Variants in TP63 observed in about 807,000 individuals in gnomAD.
The protein encoded by TP63 is tumor protein 63.
TP63 carries 17 observed loss-of-function variants against 82.8 expected under a neutral mutation model. The ratio of observed to expected loss-of-function variants is 0.21; its 90% CI spans 0.14 to 0.31. The LOEUF (loss-of-function observed/expected upper bound fraction) is 0.31. Among genes scored for constraint, TP63 ranks in the 10% least tolerant of loss-of-function variants. TP63 has a pLI of 1.00. For synonymous variants in TP63, 330 were observed against 321.7 expected (o/e 1.03, Z -0.28); for missense variants, 648 against 895.3 (o/e 0.72, Z 3.52).
intron 4 of TP63, among the ~76,000 whole-genome samples, chr3:189,836,694 C>T (rs572134884): frequency 1.2e-4 from 19 of 152,250 alleles, no homozygotes; most frequent in African/African-American, 4.6e-4. Context: ...TGCTCCTAGA[C>T]ATTTTCTTTT....
At chr3:189,699,769 A>T (rs552052480) in intron 1 of TP63, among the ~76,000 whole-genome samples, 5 of 152,364 alleles carry the variant, frequency 3.3e-5, no homozygotes, top group Non-Finnish European at 7.3e-5. Flanking sequence ...TTCTGTTATT[A>T]TAGATAATTT....
intron 1 of TP63, among the ~76,000 whole-genome samples, chr3:189,657,102 G>C (rs1294490780): frequency 6.6e-6 from 1 of 151,772 alleles, no homozygotes; most frequent in African/African-American, 2.4e-5. Flanking sequence ...CATACTGTAT[G>C]ATTGTGATTT....
intron 1 of TP63, among the ~76,000 whole-genome samples, chr3:189,734,262 C>G (rs1335958821): frequency 2.7e-5 from 4 of 149,320 alleles, no homozygotes; most frequent in African/African-American, 4.9e-5. Flanking sequence ...ACCTCTGCCT[C>G]TTGGGTTCAA....
rs1361527608 is a variant in TP63 at position 189,872,928 on chromosome 3, C to T, written c.1282C>T (p.Pro428Ser). ...GTCCCTGGAACTCATGCAGTACCTTCCTCAGCACACAATTGAAACGTACAG... is the reference window on the plus strand; with the variant it reads ...GTCCCTGGAACTCATGCAGTACCTTTCTCAGCACACAATTGAAACGTACAG... ...KESLELMQYL[P>S]QHTIETYRQQ... The change falls in exon 10 of 14, where the codon CCT (proline) becomes TCT (serine). Residue 428 changes from proline to serine, a missense_variant. Pro to Ser is a moderately conservative substitution (Grantham distance 74). This residue lies in a region of TP63 where 342 missense variants were observed against 425.7 expected (regional missense o/e 0.80). Coordinates refer to ENST00000264731, the MANE Select transcript of TP63 (RefSeq NM_003722.5). 2 of 1,614,146 alleles carry T rather than the reference C, an allele frequency of 1.2e-6. No individual in the cohort carries two copies. The highest frequency in any genetic ancestry group is 3.3e-5 in the Admixed American group (2 of 60,024).
the TP63 span, among the ~76,000 whole-genome samples, chr3:189,621,987 G>T: frequency 6.6e-6 from 1 of 152,340 alleles, no homozygotes; most frequent in East Asian, 1.9e-4. Flanking sequence ...CAGAGATGTT[G>T]CTGTAAACAA....
intron 1 of TP63, among the ~76,000 whole-genome samples, chr3:189,726,898 G>A (rs1390567324): frequency 6.6e-6 from 1 of 152,124 alleles, no homozygotes; most frequent in African/African-American, 2.4e-5. Context: ...TCTACACAGG[G>A]CCAGAAAATA....
At chr3:189,754,435 G>T (rs2108527053) in intron 3 of TP63, among the ~76,000 whole-genome samples, 1 of 152,126 alleles carries the variant, frequency 6.6e-6, no homozygotes, top group South Asian at 2.1e-4. Context: ...GATAAATTTT[G>T]ATCTTTAAAT....
chr3:189,700,017 C>G (rs1717683223), intron 1 of TP63, among the ~76,000 whole-genome samples: 1 of 152,156 alleles, frequency 6.6e-6, no homozygotes, highest in Non-Finnish European at 1.5e-5. Context: ...GAACACTGGT[C>G]TGACTGCAGT....
chr3:189,616,593 C>T, the TP63 span, among the ~76,000 whole-genome samples: 3 of 152,274 alleles, frequency 2.0e-5, no homozygotes, highest in African/African-American at 2.4e-5. Flanking sequence ...TAGGGATATT[C>T]GGGTTACTGC....
chr3:189,879,962 TATGATC>T (rs1719721397), intron 10 of TP63: 3 of 1,471,032 alleles, frequency 2.0e-6, no homozygotes, highest in Non-Finnish European at 2.7e-6. Flanking sequence ...CTGTCTATAC[TATGATC>T]ATGAAGGTAT....
chr3:189,867,289 C>T (rs79472829), intron 6 of TP63, among the ~76,000 whole-genome samples: 54 of 152,266 alleles, frequency 3.5e-4, no homozygotes, highest in African/African-American at 1.3e-3. Context: ...GGTTTGCTGG[C>T]TTGCTGTGTG....
At chr3:189,656,256 T>C (rs1713348390) in intron 1 of TP63, among the ~76,000 whole-genome samples, 1 of 152,158 alleles carries the variant, frequency 6.6e-6, no homozygotes, top group Non-Finnish European at 1.5e-5. Flanking sequence ...TAAGAGAACA[T>C]GTACTACCCA....
chr3:189,677,389 AAT>A lies in TP63; in HGVS notation c.62+45815_62+45816del, dbSNP rs201077215. Among the ~76,000 whole-genome samples, 218 of 48,196 alleles carry A rather than the reference AAT, an allele frequency of 4.5e-3. 4 individuals carry two copies. In the East Asian group the frequency reaches 0.12, roughly 27 times the overall value. The allele number at this position is 48,196 out of a possible 152,430, so 31.6% of individuals were successfully genotyped here. ...ATTTATATGTAAATAATTATATATA[AAT>A]ATGTGTGTATATATATACATATATA... On this transcript the variant is annotated intron_variant, in intron 1 of 13. Transcript: ENST00000264731.
At chr3:189,869,761 C>G (rs1039326635) in intron 9 of TP63, among the ~76,000 whole-genome samples, 2 of 150,860 alleles carry the variant, frequency 1.3e-5, no homozygotes, top group Non-Finnish European at 2.9e-5. Context: ...TATGAAGGCT[C>G]CACTCTCATT....
intron 1 of TP63, among the ~76,000 whole-genome samples, chr3:189,732,439 C>G (rs1720241342): frequency 6.6e-6 from 1 of 152,192 alleles, no homozygotes; most frequent in Non-Finnish European, 1.5e-5. Context: ...CATATAATTA[C>G]TTTATTTTTA....
At chr3:189,702,362 T>C (rs77663989) in intron 1 of TP63, among the ~76,000 whole-genome samples, 2,551 of 152,318 alleles carry the variant, frequency 0.017, 74 homozygotes, top group African/African-American at 0.056. Context: ...TCCAGGGGCT[T>C]CTCTGGGATT....
chr3:189,598,942 G>A, the TP63 span, among the ~76,000 whole-genome samples: 2 of 152,328 alleles, frequency 1.3e-5, no homozygotes, highest in South Asian at 2.1e-4. Flanking sequence ...ATTTCCCAAG[G>A]ATTGGAGGCG....
intron 3 of TP63, among the ~76,000 whole-genome samples, chr3:189,806,707 A>G (rs1726949318): frequency 6.6e-6 from 1 of 152,238 alleles, no homozygotes; most frequent in African/African-American, 2.4e-5. Flanking sequence ...TCTTGTCAGC[A>G]TGGGGATAAG....
At chr3:189,835,321 A>G (rs1354267578) in intron 4 of TP63, among the ~76,000 whole-genome samples, 1 of 152,222 alleles carries the variant, frequency 6.6e-6, no homozygotes, top group Non-Finnish European at 1.5e-5. Flanking sequence ...TTATGAAGGC[A>G]TGTAAAACAA....
Sources: gnomAD v4.1 joint callset for allele counts (sites outside exome capture counted in the v4.1 genomes callset) on GRCh38, gnomAD v4.1.1 for gene constraint, gnomAD v4.1.1 regional missense constraint, MANE v1.5 for transcripts, NCBI Gene and HGNC (gene_info 2026-07-23, HGNC 2026-07-21) for gene names.